Variants in NRG1 observed in about 807,000 individuals in gnomAD.
The protein encoded by NRG1 is neuregulin 1, also known as pro-neuregulin-1, membrane-bound isoform.
In NRG1, 18 loss-of-function variants were observed where a neutral mutation model predicts 63.8. The observed-to-expected ratio is 0.28, with a 90% CI of 0.19 to 0.42. The LOEUF is 0.42. NRG1 is among the 10% of genes least tolerant of loss of function. NRG1 has a pLI of 1.00. For missense variants in NRG1, 762 were observed against 814.7 expected, an observed-to-expected ratio of 0.94 and a Z score of 0.79; for synonymous variants, 302 against 301.3, an observed-to-expected ratio of 1.00 and a Z score of -0.02.
intron 5 of NRG1, among the ~76,000 whole-genome samples, chr8:32,657,863 T>A (rs964591613): frequency 6.6e-6 from 1 of 152,182 alleles, no homozygotes; most frequent in Non-Finnish European, 1.5e-5. Flanking sequence ...CTTTTTACTA[T>A]AATCTTTAAA....
intron 7 of NRG1, among the ~76,000 whole-genome samples, chr8:32,773,644 A>G (rs1179244019): frequency 6.6e-6 from 1 of 152,140 alleles, no homozygotes; most frequent in Non-Finnish European, 1.5e-5. Context: ...TTATGCTCTT[A>G]TCAGCATCTG....
intron 1 of NRG1, among the ~76,000 whole-genome samples, chr8:32,122,838 T>C (rs1169336464): frequency 6.6e-6 from 1 of 150,728 alleles, no homozygotes; most frequent in East Asian, 2.0e-4. Flanking sequence ...TGTGTTCTCA[T>C]TGTTCAATTC....
intron 1 of NRG1, among the ~76,000 whole-genome samples, chr8:32,477,103 G>T (rs1824617725): frequency 6.6e-6 from 1 of 152,142 alleles, no homozygotes; most frequent in African/African-American, 2.4e-5. Flanking sequence ...GAAGCAGAAA[G>T]CCAATTGAGT....
intron 1 of NRG1, among the ~76,000 whole-genome samples, chr8:32,212,174 TCCTGCC>T (rs766248390): frequency 4.1e-4 from 63 of 152,276 alleles, no homozygotes; most frequent in Non-Finnish European, 6.8e-4. Context: ...GATTCATTTT[TCCTGCC>T]CCACCAACTT....
chr8:32,555,315 A>T (rs899281868), intron 1 of NRG1, among the ~76,000 whole-genome samples: 40 of 152,328 alleles, frequency 2.6e-4, no homozygotes, highest in African/African-American at 8.4e-4. Flanking sequence ...TCAAAGTTGG[A>T]CAACAGATCT....
intron 1 of NRG1, among the ~76,000 whole-genome samples, chr8:32,455,936 C>A (rs1358742524): frequency 6.6e-6 from 1 of 152,196 alleles, no homozygotes; most frequent in Non-Finnish European, 1.5e-5. Flanking sequence ...GGCACACCAC[C>A]ACGCCCAGCT....
At chr8:32,426,637 G>A (rs919114164) in intron 1 of NRG1, among the ~76,000 whole-genome samples, 2 of 152,088 alleles carry the variant, frequency 1.3e-5, no homozygotes, top group Admixed American at 1.3e-4. Context: ...TTCTCTCCCA[G>A]TCTCAACACC....
At chr8:31,680,312 C>T in intron 1 of NRG1, among the ~76,000 whole-genome samples, 1 of 138,458 alleles carries the variant, frequency 7.2e-6, no homozygotes, top group Admixed American at 7.6e-5. Context: ...CCACAACAGT[C>T]CCCAGAGTGT....
intron 1 of NRG1, among the ~76,000 whole-genome samples, chr8:31,656,590 A>G (rs1252454014): frequency 1.3e-5 from 2 of 152,224 alleles, no homozygotes; most frequent in Non-Finnish European, 2.9e-5. Flanking sequence ...AAGACTGGGA[A>G]GAATAACTAA....
At chr8:32,111,721 A>G (rs546932594) in intron 1 of NRG1, among the ~76,000 whole-genome samples, 5 of 152,142 alleles carry the variant, frequency 3.3e-5, no homozygotes, top group Non-Finnish European at 7.3e-5. Flanking sequence ...TGAATATCCA[A>G]TATAGACTCA....
intron 1 of NRG1, among the ~76,000 whole-genome samples, chr8:32,414,044 G>A (rs1220489883): frequency 1.3e-5 from 2 of 152,096 alleles, no homozygotes; most frequent in Non-Finnish European, 2.9e-5. Flanking sequence ...GGTTCTAGGA[G>A]GTTTGGGCTT....
At chr8:32,159,567 C>T (rs908607413) in intron 1 of NRG1, among the ~76,000 whole-genome samples, 2 of 150,178 alleles carry the variant, frequency 1.3e-5, no homozygotes, top group African/African-American at 2.5e-5. Flanking sequence ...AAGAAAAAGG[C>T]TTTATGTGGC....
chr8:31,695,465 C>T (rs906328324), intron 1 of NRG1, among the ~76,000 whole-genome samples: 10 of 152,062 alleles, frequency 6.6e-5, no homozygotes, highest in Non-Finnish European at 1.0e-4. Flanking sequence ...CCACCATGCT[C>T]GGCCTACACA....
At chr8:32,333,842 A>G (rs1480808240) in intron 1 of NRG1, among the ~76,000 whole-genome samples, 1 of 152,140 alleles carries the variant, frequency 6.6e-6, no homozygotes, top group Non-Finnish European at 1.5e-5. Flanking sequence ...CCATAAAAAA[A>G]CTAAACTACT....
Position 32,104,564 on chromosome 8 carries a change from T to C in NRG1, c.37+465133T>C, listed in dbSNP as rs183628568. On this transcript the variant is annotated intron_variant, in intron 1 of 10. Coordinates refer to the NRG1 transcript ENST00000519301. ...CTGACTTAATAAATGTTTTAATTTT[T>C]CAAAACTTTTTGACTCTTTTTCAAT... is the stretch of plus-strand genomic sequence containing the variant. 2.4e-3 allele frequency among the ~76,000 whole-genome samples: 365 copies of C among 152,338 alleles called. 2 individuals carry two copies. The highest frequency in any genetic ancestry group is 3.8e-3 in the Non-Finnish European group (259 of 68,028).
chr8:32,626,750 G>A (rs1563799356), intron 5 of NRG1, among the ~76,000 whole-genome samples: 1 of 152,104 alleles, frequency 6.6e-6, no homozygotes, highest in Non-Finnish European at 1.5e-5. Flanking sequence ...GCCAGGTGTG[G>A]TGGCTCATGC....
intron 1 of NRG1, among the ~76,000 whole-genome samples, chr8:32,526,837 A>G (rs549137150): frequency 3.9e-5 from 6 of 152,260 alleles, no homozygotes; most frequent in Middle Eastern, 3.4e-3. Flanking sequence ...TCTCTGACTC[A>G]CAGGCTCCTT....
intron 6 of NRG1, among the ~76,000 whole-genome samples, chr8:32,736,672 G>A (rs1014651979): frequency 3.3e-5 from 5 of 152,010 alleles, no homozygotes; most frequent in African/African-American, 1.2e-4. Flanking sequence ...ATTTCACTGT[G>A]GAATGATGAC....
At chr8:32,404,824 A>G (rs1347255844) in intron 1 of NRG1, among the ~76,000 whole-genome samples, 1 of 151,950 alleles carries the variant, frequency 6.6e-6, no homozygotes, top group Non-Finnish European at 1.5e-5. Flanking sequence ...ATGTCAAGTG[A>G]TCCACCTGCC....
Sources: gnomAD v4.1 joint callset for allele counts (sites outside exome capture counted in the v4.1 genomes callset) on GRCh38, gnomAD v4.1.1 for gene constraint, MANE v1.5 for transcripts, NCBI Gene and HGNC (gene_info 2026-07-23, HGNC 2026-07-21) for gene names.